Variants in SCMH1 observed in about 807,000 individuals in gnomAD.
SCMH1 encodes the protein polycomb protein SCMH1.
Under a neutral mutation model 70.8 loss-of-function variants are expected in SCMH1, and 37 were observed. The ratio of observed to expected loss-of-function variants is 0.52; its 90% CI spans 0.40 to 0.69. The LOEUF is 0.69. Among genes scored for constraint, SCMH1 ranks in the 30% least tolerant of loss-of-function variants. The probability of loss-of-function intolerance (pLI) is 0.00; values close to 1 mark genes in which losing one functional copy is unlikely to be tolerated. For synonymous variants in SCMH1, 292 were observed against 307.4 expected (o/e 0.95, Z 0.52); for missense variants, 607 against 827.3 (o/e 0.73, Z 3.27).
chr1:41,188,387 T>C (rs1369818297), intron 1 of SCMH1, among the ~76,000 whole-genome samples: 2 of 152,192 alleles, frequency 1.3e-5, no homozygotes, highest in African/African-American at 2.4e-5. Flanking sequence ...CCTCAGCCTC[T>C]CAAAATTTAA....
At chr1:41,138,770 G>C (rs1643755210) in intron 6 of SCMH1, among the ~76,000 whole-genome samples, 1 of 152,152 alleles carries the variant, frequency 6.6e-6, no homozygotes, top group Admixed American at 6.6e-5. Flanking sequence ...CTGTGCAACA[G>C]GTTTCCTCTG....
chr1:41,082,906 C>A (rs986997008), intron 8 of SCMH1, among the ~76,000 whole-genome samples: 23 of 152,256 alleles, frequency 1.5e-4, no homozygotes, highest in Middle Eastern at 3.4e-3. Context: ...CAGAAAAGGC[C>A]TTTGACAAAA....
intron 10 of SCMH1, among the ~76,000 whole-genome samples, chr1:41,057,301 T>G (rs1650731183): frequency 6.6e-6 from 1 of 152,232 alleles, no homozygotes; most frequent in Non-Finnish European, 1.5e-5. Flanking sequence ...AATCTTGCTC[T>G]GTCGCCCAGG....
chr1:41,179,168 A>T (rs924855036), intron 2 of SCMH1, among the ~76,000 whole-genome samples: 2 of 152,216 alleles, frequency 1.3e-5, no homozygotes, highest in African/African-American at 4.8e-5. Context: ...GCAGAAATAA[A>T]GATGTTCTTT....
At chr1:41,178,564 A>C (rs1317855602) in intron 2 of SCMH1, among the ~76,000 whole-genome samples, 1 of 152,226 alleles carries the variant, frequency 6.6e-6, no homozygotes, top group African/African-American at 2.4e-5. Context: ...TGAAAAACAA[A>C]AAAAGGCAGT....
At chr1:41,231,278 C>T (rs1206590909) in intron 1 of SCMH1, among the ~76,000 whole-genome samples, 1 of 152,176 alleles carries the variant, frequency 6.6e-6, no homozygotes. Context: ...TGCAGTTTGT[C>T]AGTCATTATC....
chr1:41,231,986 C>T (rs957169532), intron 1 of SCMH1, among the ~76,000 whole-genome samples: 8 of 149,388 alleles, frequency 5.4e-5, no homozygotes, highest in Admixed American at 2.0e-4. Context: ...TCTCACACAC[C>T]GCACACCAGC....
At chr1:41,190,836 T>C (rs936349669) in intron 1 of SCMH1, among the ~76,000 whole-genome samples, 2 of 152,160 alleles carry the variant, frequency 1.3e-5, no homozygotes, top group Non-Finnish European at 2.9e-5. Context: ...GGCACTGTGG[T>C]AGGCACTTTA....
At chr1:41,240,055 A>G (rs1663199978) in intron 1 of SCMH1, among the ~76,000 whole-genome samples, 1 of 152,270 alleles carries the variant, frequency 6.6e-6, no homozygotes, top group Non-Finnish European at 1.5e-5. Flanking sequence ...GGATCTGTAT[A>G]GTTCCATTGA....
intron 4 of SCMH1, chr1:41,159,636 A>T (rs1355972272): frequency 1.5e-6 from 2 of 1,363,970 alleles, no homozygotes; most frequent in Non-Finnish European, 1.9e-6. Context: ...TGTTTTTTCT[A>T]CCACACATCA....
At chr1:41,239,358 C>G (rs1422416414) in intron 1 of SCMH1, among the ~76,000 whole-genome samples, 1 of 152,184 alleles carries the variant, frequency 6.6e-6, no homozygotes, top group Non-Finnish European at 1.5e-5. Context: ...TTACTCCTAC[C>G]TACCATTTAA....
At chr1:41,058,852 G>A (rs753812537) in intron 10 of SCMH1, among the ~76,000 whole-genome samples, 1 of 152,152 alleles carries the variant, frequency 6.6e-6, no homozygotes, top group Non-Finnish European at 1.5e-5. Context: ...TCTCTGGGTT[G>A]GTGGAGGAAT....
intron 6 of SCMH1, among the ~76,000 whole-genome samples, chr1:41,138,392 G>A (rs550505192): frequency 1.4e-3 from 206 of 151,982 alleles, no homozygotes; most frequent in Non-Finnish European, 2.3e-3. Context: ...CTTCTTTTGG[G>A]TTTTCAGTTA....
chr1:41,184,793 T>C lies in SCMH1; in HGVS notation c.13+1328A>G, dbSNP rs980436209. On this transcript the variant is annotated intron_variant, in intron 2 of 14. Coordinates refer to ENST00000337495, the Ensembl canonical transcript of SCMH1. Reference sequence around the variant, plus strand: ...CCAAGCTGAGAGAAAATTCACAGGTTGTAAAGGGAGATAACTAGATAAACT... The same window carrying C: ...CCAAGCTGAGAGAAAATTCACAGGTCGTAAAGGGAGATAACTAGATAAACT... Among the ~76,000 whole-genome samples, 10 of 152,150 alleles carry C rather than the reference T, an allele frequency of 6.6e-5. 2 individuals are homozygous for C. The highest frequency in any genetic ancestry group is 3.9e-4 in the Admixed American group (6 of 15,278).
chr1:41,043,157 A>C (rs1269406900), intron 12 of SCMH1: 2 of 152,150 alleles, frequency 1.3e-5, no homozygotes, highest in East Asian at 3.9e-4. Flanking sequence ...GCAGTGGCAC[A>C]ATCTTGGCTC....
chr1:41,062,473 G>A (rs748308206), intron 10 of SCMH1, among the ~76,000 whole-genome samples: 2 of 151,936 alleles, frequency 1.3e-5, no homozygotes, highest in Non-Finnish European at 2.9e-5. Flanking sequence ...TGGGTGCCTT[G>A]GCTCACACCT....
chr1:41,176,337 C>T lies in SCMH1; in HGVS notation c.13+9784G>A, dbSNP rs189912509. On this transcript the variant is annotated intron_variant, in intron 2 of 14. Coordinates refer to ENST00000337495, the Ensembl canonical transcript of SCMH1. ...TCCCAGCATGAGCGACACAGAAGAC[C>T]GGTGATTTCTGCATTTCCAACTGAG... Among the ~76,000 whole-genome samples the T allele has an allele frequency of 1.7e-4, 26 of 152,220 alleles. No homozygotes were observed. In the East Asian group the frequency reaches 4.4e-3, roughly 26 times the overall value.
intron 2 of SCMH1, among the ~76,000 whole-genome samples, chr1:41,168,994 A>G (rs111863076): frequency 7.9e-5 from 12 of 152,056 alleles, no homozygotes; most frequent in Admixed American, 2.0e-4. Flanking sequence ...TTTATGTCCC[A>G]CTCTCTGTCT....
chr1:41,067,775 A>G (rs1455709081), intron 10 of SCMH1, among the ~76,000 whole-genome samples: 2 of 152,204 alleles, frequency 1.3e-5, no homozygotes, highest in Non-Finnish European at 2.9e-5. Context: ...AAACACCAAG[A>G]GTAAACCCAA....
Sources: allele counts gnomAD v4.1 joint callset (sites outside exome capture counted in the v4.1 genomes callset), GRCh38; gene constraint gnomAD v4.1.1; transcripts MANE v1.5; gene names NCBI Gene and HGNC (gene_info 2026-07-23, HGNC 2026-07-21).